Variants in PRKN observed in about 807,000 individuals in gnomAD.
PRKN encodes parkin RBR E3 ubiquitin protein ligase, also known as E3 ubiquitin-protein ligase parkin.
A neutral mutation model predicts 59.5 loss-of-function variants in PRKN; 56 were observed. The observed-to-expected ratio is 0.94, with a 90% CI of 0.76 to 1.18. PRKN has a LOEUF of 1.18. Ranked by LOEUF, PRKN falls within the 50% of genes most tolerant of loss-of-function variation. The pLI is 0.00. For synonymous variants in PRKN, 250 were observed against 222.1 expected (o/e 1.13, Z -1.12); for missense variants, 657 against 596.4 (o/e 1.10, Z -1.06).
chr6:161,347,613 G>GTTTTTTTTTTTTTTTTTT lies in PRKN; in HGVS notation c.*2485_*2486insAAAAAAAAAAAAAAAAAA, dbSNP rs763588687. On this transcript the variant is annotated 3_prime_UTR_variant, in exon 12 of 12. Transcript: ENST00000366898. ...GTGTAGTGGATGATCTTGCTTTTTT[G>GTTTTTTTTTTTTTTTTTT]TTTTTGTTTTTTTTTTTTTTTTGAG... 4.2e-5 allele frequency: 5 copies of GTTTTTTTTTTTTTTTTTT among 119,270 alleles called. 1 individual carries two copies. Among genetic ancestry groups the GTTTTTTTTTTTTTTTTTT allele is most frequent in the African/African-American group, 7.0e-5 (2 of 28,738 alleles). The allele number at this position is 119,270 out of a possible 1,614,324, so 7.4% of individuals were successfully genotyped here.
At chr6:161,559,049 T>TAA (rs3032921) in intron 8 of PRKN, among the ~76,000 whole-genome samples, 59,541 of 116,474 alleles carry the variant, frequency 0.51, 15,574 homozygotes, top group East Asian at 0.73. Flanking sequence ...AAACAAGACC[T>TAA]AAAAAAAAAA....
chr6:162,687,160 A>G (rs1777595887), intron 1 of PRKN, among the ~76,000 whole-genome samples: 1 of 149,866 alleles, frequency 6.7e-6, no homozygotes, highest in South Asian at 2.1e-4. Flanking sequence ...CTTCTGATCT[A>G]TGATTAGAGT....
rs1789498928 is a variant in PRKN, at chr6:161,446,479, T to C, written c.1084-59602A>G. Among the ~76,000 whole-genome samples the C allele has an allele frequency of 6.6e-6, 1 of 152,154 alleles. No individual in the cohort carries two copies. Among genetic ancestry groups the C allele is most frequent in the Admixed American group, 6.5e-5 (1 of 15,280 alleles). On this transcript the variant is annotated intron_variant, in intron 9 of 11. Transcript: ENST00000366898. The surrounding 1 kb of genome is among the most constrained non-coding windows in gnomAD (Gnocchi z 6.2). ...ATGCAGACTCTGGTGCCCTGAAGCCTGGCGTCTGAGCCAGATCTGACTTTG... is the reference window on the plus strand; with the variant it reads ...ATGCAGACTCTGGTGCCCTGAAGCCCGGCGTCTGAGCCAGATCTGACTTTG...
At chr6:161,505,119 G>A (rs946190800) in intron 9 of PRKN, among the ~76,000 whole-genome samples, 5 of 152,190 alleles carry the variant, frequency 3.3e-5, no homozygotes, top group South Asian at 2.1e-4. Flanking sequence ...CACAATGGTC[G>A]AACTAGTTTA....
In PRKN at chr6:161,399,648, G is replaced by A. The variant is rs1349332986; in HGVS notation, c.1084-12771C>T. Among the ~76,000 whole-genome samples the A allele has an allele frequency of 2.0e-5, 3 of 152,292 alleles. No homozygotes were observed. The highest frequency in any genetic ancestry group is 2.0e-4 in the Admixed American group (3 of 15,296). On this transcript the variant is annotated intron_variant, in intron 9 of 11. Transcript: ENST00000366898. The surrounding 1 kb of genome is among the most constrained non-coding windows in gnomAD (Gnocchi z 4.4). ...GTTTCAGCAGTAAGAAGAGGAAGGT[G>A]AACTGGGACCAATGGAGTTTGCTGG... is the stretch of plus-strand genomic sequence containing the variant.
At chr6:161,439,453 C>A (rs1035474061) in intron 9 of PRKN, among the ~76,000 whole-genome samples, 1 of 152,168 alleles carries the variant, frequency 6.6e-6, no homozygotes, top group African/African-American at 2.4e-5. Context: ...TGCAAATAGG[C>A]CGGATAAATG....
At chr6:162,361,032 G>A (rs1281934314) in intron 2 of PRKN, among the ~76,000 whole-genome samples, 1 of 152,186 alleles carries the variant, frequency 6.6e-6, no homozygotes, top group East Asian at 1.9e-4. Context: ...TAAGTGAAAT[G>A]TTCTCATCAG....
In PRKN at chr6:162,066,141, G is replaced by A. The variant is rs929316831; in HGVS notation, c.535-11967C>T. Among the ~76,000 whole-genome samples, 3 of 152,192 alleles carry A rather than the reference G, an allele frequency of 2.0e-5. No individual in the cohort carries two copies. The South Asian group carries it at 6.2e-4, about 32-fold the overall frequency. On this transcript the variant is annotated intron_variant, in intron 4 of 11. Transcript: ENST00000366898. ...TCTAGTTCTAGATCCTTGAGGAATCGCCACACTGTCTTCCACAATGGTTGA... is the reference window on the plus strand; with the variant it reads ...TCTAGTTCTAGATCCTTGAGGAATCACCACACTGTCTTCCACAATGGTTGA...
chr6:162,066,485 G>C (rs1489259484), intron 4 of PRKN, among the ~76,000 whole-genome samples: 1 of 152,214 alleles, frequency 6.6e-6, no homozygotes, highest in African/African-American at 2.4e-5. Flanking sequence ...ATGCAACAGT[G>C]TTAGGAGGGG....
chr6:162,512,263 A>G (rs1176388715), intron 1 of PRKN, among the ~76,000 whole-genome samples: 4 of 152,170 alleles, frequency 2.6e-5, no homozygotes, highest in Non-Finnish European at 4.4e-5. Context: ...TAATATGGTC[A>G]TGGGAGGGGT....
intron 2 of PRKN, among the ~76,000 whole-genome samples, chr6:162,278,230 G>A (rs1013305924): frequency 1.3e-5 from 2 of 152,140 alleles, no homozygotes; most frequent in Non-Finnish European, 2.9e-5. Flanking sequence ...ACGACATTCG[G>A]AAAAAGGCAA....
chr6:162,727,523 G>C (rs1042482259), intron 1 of PRKN, 139 bp downstream of exon 1: 1 of 959,392 alleles, frequency 1.0e-6, no homozygotes. Context: ...CCGGCGGCGC[G>C]GGCCGGGGAC....
chr6:162,010,338 A>T (rs1217070596), intron 5 of PRKN, among the ~76,000 whole-genome samples: 1 of 121,786 alleles, frequency 8.2e-6, no homozygotes, highest in Non-Finnish European at 1.6e-5. Context: ...TATATAATAT[A>T]TAAATAATAT....
At chr6:161,427,571 A>G (rs530506495) in intron 9 of PRKN, among the ~76,000 whole-genome samples, 21 of 152,314 alleles carry the variant, frequency 1.4e-4, no homozygotes, top group African/African-American at 4.8e-4. Context: ...CTGGGTTGCT[A>G]GTAATTAGCA....
At chr6:161,886,406 T>C (rs983078007) in intron 6 of PRKN, among the ~76,000 whole-genome samples, 1 of 152,102 alleles carries the variant, frequency 6.6e-6, no homozygotes, top group African/African-American at 2.4e-5. Flanking sequence ...TCATCAAGAA[T>C]ATTTAATAGG....
At chr6:162,323,173 C>G (rs1229367251) in intron 2 of PRKN, among the ~76,000 whole-genome samples, 1 of 151,224 alleles carries the variant, frequency 6.6e-6, no homozygotes, top group South Asian at 2.1e-4. Context: ...TATACATATA[C>G]ATATGTAACT....
intron 1 of PRKN, chr6:162,727,420 G>C: frequency 1.4e-5 from 7 of 497,222 alleles, no homozygotes; most frequent in Non-Finnish European, 2.5e-5. Context: ...CGTCGAGGCG[G>C]TCTTCATGAG....
Position 161,363,429 on chromosome 6 carries a change from G to T in PRKN, c.1168-3224C>A, listed in dbSNP as rs1358148326. 6.6e-6 allele frequency among the ~76,000 whole-genome samples: 1 copy of T among 152,150 alleles called. No individual in the cohort carries two copies. The highest frequency in any genetic ancestry group is 1.5e-5 in the Non-Finnish European group (1 of 68,026). ...AATTAAAATTAGAAACTCAGTTGAT[G>T]AGTTACATAACAAATTAGATACAAA... On this transcript the variant is annotated intron_variant, in intron 10 of 11. Coordinates refer to ENST00000366898, the MANE Select transcript of PRKN (RefSeq NM_004562.3). This position sits in a 1 kb window ranked among gnomAD's most constrained non-coding sequence, Gnocchi z 4.1.
At chr6:162,036,095 C>T (rs529239355) in intron 5 of PRKN, among the ~76,000 whole-genome samples, 320 of 151,984 alleles carry the variant, frequency 2.1e-3, no homozygotes, top group Admixed American at 5.1e-3. Flanking sequence ...GAGGCCGAGG[C>T]GGGCGGATCA....
Sources: allele counts gnomAD v4.1 joint callset (sites outside exome capture counted in the v4.1 genomes callset), GRCh38; gene constraint gnomAD v4.1.1; non-coding constraint Gnocchi (gnomAD v3.1); transcripts MANE v1.5; gene names NCBI Gene and HGNC (gene_info 2026-07-23, HGNC 2026-07-21).